EIF4EBP2: variants seen among roughly 807,000 people sequenced by gnomAD.
EIF4EBP2 encodes eukaryotic translation initiation factor 4E binding protein 2, also known as eukaryotic translation initiation factor 4E-binding protein 2.
In EIF4EBP2, 5 loss-of-function variants were observed where a neutral mutation model predicts 10.3. The observed-to-expected ratio is 0.48, with a 90% CI of 0.25 to 1.02. The LOEUF is 1.02. EIF4EBP2 is among the 50% of genes least tolerant of loss of function. The probability of loss-of-function intolerance (pLI) is 0.15; values close to 1 mark genes in which losing one functional copy is unlikely to be tolerated. For synonymous variants in EIF4EBP2, 67 were observed against 61.1 expected, an observed-to-expected ratio of 1.10 and a Z score of -0.45; for missense variants, 188 against 162.2, an observed-to-expected ratio of 1.16 and a Z score of -0.86.
chr10:70,414,323 A>T (rs1845071779), intron 1 of EIF4EBP2, among the ~76,000 whole-genome samples: 1 of 151,994 alleles, frequency 6.6e-6, no homozygotes, highest in African/African-American at 2.4e-5. Flanking sequence ...CTACAATTAA[A>T]TTTTTTTTAG....
rs1263214738 is a variant in EIF4EBP2, at chr10:70,424,175, T to C, written c.*2428T>C. 6.6e-6 allele frequency: 1 copy of C among 152,226 alleles called. No individual in the cohort carries two copies. Among genetic ancestry groups the C allele is most frequent in the African/African-American group, 2.4e-5 (1 of 41,460 alleles). 9.4% of individuals were successfully genotyped at this position (152,226 alleles called of 1,614,324 possible). ...AACGGTGAGGAATGGATTTAAAGCATGAGCTTTAGTAGTATCAAGATGCCA... is the reference window on the plus strand; with the variant it reads ...AACGGTGAGGAATGGATTTAAAGCACGAGCTTTAGTAGTATCAAGATGCCA... On this transcript the variant is annotated 3_prime_UTR_variant, in exon 3 of 3. Transcript: ENST00000373218.
intron 1 of EIF4EBP2, among the ~76,000 whole-genome samples, chr10:70,417,940 T>C (rs1447726588): frequency 6.6e-6 from 1 of 152,214 alleles, no homozygotes; most frequent in Non-Finnish European, 1.5e-5. Flanking sequence ...AGCATGCTAA[T>C]AAGCAAGTTG....
Position 70,426,614 on chromosome 10 carries a change from C to T in EIF4EBP2, c.*4867C>T, listed in dbSNP as rs1845208588. 1.3e-5 allele frequency: 2 copies of T among 152,230 alleles called. No individual in the cohort carries two copies. Among genetic ancestry groups the T allele is most frequent in the Admixed American group, 6.5e-5 (1 of 15,284 alleles). The allele number at this position is 152,230 out of a possible 1,614,324, so 9.4% of individuals were successfully genotyped here. Reference sequence around the variant, plus strand: ...TCTTGTTTGGATTTATGCTCTGCCTCTTCCCAGCATTTTCTTATCTGTAGC... The same window carrying T: ...TCTTGTTTGGATTTATGCTCTGCCTTTTCCCAGCATTTTCTTATCTGTAGC... On this transcript the variant is annotated 3_prime_UTR_variant, in exon 3 of 3. Coordinates refer to ENST00000373218, the MANE Select transcript of EIF4EBP2 (RefSeq NM_004096.5).
Position 70,422,715 on chromosome 10 carries a change from C to G in EIF4EBP2, c.*968C>G, listed in dbSNP as rs1589149205. 3 of 152,152 alleles carry G rather than the reference C, an allele frequency of 2.0e-5. No homozygotes were observed. The highest frequency in any genetic ancestry group is 4.4e-5 in the Non-Finnish European group (3 of 68,042). The allele number at this position is 152,152 out of a possible 1,614,324, so 9.4% of individuals were successfully genotyped here. A position where few individuals can be genotyped will look rare whatever the true frequency, so the allele number is the denominator to read the frequency against. On this transcript the variant is annotated 3_prime_UTR_variant, in exon 3 of 3. Transcript: ENST00000373218. ...ATGCCTAAGAATGACCGCTGAAGAA[C>G]GTTGACCCATTTGAGTACCCGGTCT...
intron 1 of EIF4EBP2, among the ~76,000 whole-genome samples, chr10:70,414,084 A>G (rs1246780853): frequency 1.3e-5 from 2 of 148,274 alleles, no homozygotes; most frequent in Non-Finnish European, 2.9e-5. Context: ...AGAAACCTTA[A>G]ATATTTTAGA....
At position 70,409,680 on chromosome 10, in the gene EIF4EBP2, C is replaced by G. The variant is rs565439386; in HGVS notation, c.145+5134C>G. 3.8e-4 allele frequency among the ~76,000 whole-genome samples: 58 copies of G among 152,318 alleles called. No individual in the cohort carries two copies. The South Asian group carries it at 4.3e-3, about 11-fold the overall frequency. ...TAGCTAATATGATTCTTTCCGCTAC[C>G]TTATTTCCTTTCTAGGTGCTGAACT... On this transcript the variant is annotated intron_variant, in intron 1 of 2. Coordinates refer to ENST00000373218, the MANE Select transcript of EIF4EBP2 (RefSeq NM_004096.5).
At chr10:70,411,352 A>G (rs1030310785) in intron 1 of EIF4EBP2, among the ~76,000 whole-genome samples, 1 of 151,876 alleles carries the variant, frequency 6.6e-6, no homozygotes, top group East Asian at 1.9e-4. Flanking sequence ...ATGAACATTC[A>G]TCAGTGTTCA....
chr10:70,419,373 G>C (rs780980499), intron 1 of EIF4EBP2, among the ~76,000 whole-genome samples: 4 of 152,192 alleles, frequency 2.6e-5, no homozygotes, highest in Non-Finnish European at 5.9e-5. Context: ...GCCAGTTTCA[G>C]CTTTGACTAT....
intron 1 of EIF4EBP2, among the ~76,000 whole-genome samples, chr10:70,416,075 C>T (rs762750474): frequency 5.9e-5 from 9 of 152,082 alleles, no homozygotes; most frequent in Non-Finnish European, 1.2e-4. Context: ...TCTGAATAGA[C>T]AGTTTCTTCA....
At chr10:70,416,015 A>G (rs1845090687) in intron 1 of EIF4EBP2, among the ~76,000 whole-genome samples, 1 of 152,254 alleles carries the variant, frequency 6.6e-6, no homozygotes, top group Non-Finnish European at 1.5e-5. Flanking sequence ...AGAATAAAGA[A>G]CTATCATAAT....
chr10:70,421,945 G>A lies in EIF4EBP2; in HGVS notation c.*198G>A. The stretch of plus-strand genomic sequence containing the variant: ...TGACCATTTCTTCTCCCTGTCTCCT[G>A]TTCCCCTTCCCAGTTAAACAGGTTA... On this transcript the variant is annotated 3_prime_UTR_variant, in exon 3 of 3. Transcript: ENST00000373218. 1 of 573,684 alleles carries A rather than the reference G, an allele frequency of 1.7e-6. No individual in the cohort carries two copies. The allele number at this position is 573,684 out of a possible 1,614,324, so 35.5% of individuals were successfully genotyped here.
At chr10:70,405,971 C>G (rs1844960898) in intron 1 of EIF4EBP2, among the ~76,000 whole-genome samples, 1 of 152,100 alleles carries the variant, frequency 6.6e-6, no homozygotes, top group Non-Finnish European at 1.5e-5. Flanking sequence ...CCGATATGAT[C>G]AGTTCAAGAC....
At position 70,423,048 on chromosome 10, in the gene EIF4EBP2, T is replaced by A. The variant is rs1382340435; in HGVS notation, c.*1301T>A. On this transcript the variant is annotated 3_prime_UTR_variant, in exon 3 of 3. Coordinates refer to ENST00000373218, the MANE Select transcript of EIF4EBP2 (RefSeq NM_004096.5). ...CCATTTTTCAAATTTACATCAAAGA[T>A]ACCTGAAGTGTTGGTATCTGAGAAT... 1 of 152,636 alleles carries A rather than the reference T, an allele frequency of 6.6e-6. No individual in the cohort carries two copies. Among genetic ancestry groups the A allele is most frequent in the Non-Finnish European group, 1.5e-5 (1 of 68,042 alleles). 9.5% of individuals were successfully genotyped at this position (152,636 alleles called of 1,614,324 possible). A position where few individuals can be genotyped will look rare whatever the true frequency, so the allele number is the denominator to read the frequency against.
chr10:70,418,668 T>A (rs1379039569), intron 1 of EIF4EBP2, among the ~76,000 whole-genome samples: 1 of 152,260 alleles, frequency 6.6e-6, no homozygotes, highest in African/African-American at 2.4e-5. Flanking sequence ...TGAAATTGTT[T>A]ACCCTTTGAA....
intron 1 of EIF4EBP2, among the ~76,000 whole-genome samples, chr10:70,406,826 C>T (rs1301502131): frequency 1.3e-5 from 2 of 152,246 alleles, no homozygotes; most frequent in African/African-American, 4.8e-5. Flanking sequence ...TACTTGTGAT[C>T]TTGGCTCTTC....
intron 1 of EIF4EBP2, 50 bp downstream of exon 1, chr10:70,404,596 C>A: frequency 6.7e-7 from 1 of 1,487,658 alleles, no homozygotes; most frequent in Non-Finnish European, 8.9e-7. Flanking sequence ...CCGCGGTCCT[C>A]TAACTCCTCG....
rs189435592 is a variant in EIF4EBP2, at chr10:70,412,023, G to A, written c.145+7477G>A. Among the ~76,000 whole-genome samples the A allele has an allele frequency of 4.0e-3, 612 of 152,122 alleles. 2 individuals carry two copies. Among genetic ancestry groups the A allele is most frequent in the Non-Finnish European group, 6.5e-3 (442 of 67,988 alleles). On this transcript the variant is annotated intron_variant, in intron 1 of 2. Transcript: ENST00000373218. ...GCCAGATTCCCTCATTTTTTAAATGGCAAGGTGCTAAACCCCAGGATATAG... is the reference window on the plus strand; with the variant it reads ...GCCAGATTCCCTCATTTTTTAAATGACAAGGTGCTAAACCCCAGGATATAG...
chr10:70,404,476 C>A lies in EIF4EBP2; in HGVS notation c.75C>A (p.Ser25Arg). The A allele has an allele frequency of 1.3e-6, 2 of 1,599,778 alleles. No individual in the cohort carries two copies. The highest frequency in any genetic ancestry group is 1.7e-6 in the Non-Finnish European group (2 of 1,175,342). The change falls in exon 1 of 3, where the codon AGC becomes AGA. Residue 25 changes from serine to arginine, a missense_variant. By Grantham distance (110) the Ser-to-Arg change is moderately radical. Coordinates refer to ENST00000373218, the MANE Select transcript of EIF4EBP2 (RefSeq NM_004096.5). ...RAIPTRTVAI[S>R]DAAQLPHDYC... ...TCCCCACCCGCACCGTGGCCATCAGCGACGCCGCGCAGCTACCTCATGACT... is the reference window on the plus strand; with the variant it reads ...TCCCCACCCGCACCGTGGCCATCAGAGACGCCGCGCAGCTACCTCATGACT...
At chr10:70,408,337 ATCT>A (rs1336341960) in intron 1 of EIF4EBP2, among the ~76,000 whole-genome samples, 4 of 152,276 alleles carry the variant, frequency 2.6e-5, no homozygotes, top group East Asian at 1.9e-4. Context: ...GATGGTCTTA[ATCT>A]TCTGACCTCG....
Sources: allele counts gnomAD v4.1 joint callset (sites outside exome capture counted in the v4.1 genomes callset), GRCh38; gene constraint gnomAD v4.1.1; transcripts MANE v1.5; gene names NCBI Gene and HGNC (gene_info 2026-07-23, HGNC 2026-07-21).